Variants in ARHGAP15 observed in about 807,000 individuals in gnomAD.
The protein encoded by ARHGAP15 is Rho GTPase activating protein 15.
ARHGAP15 carries 51 observed loss-of-function variants against 63.7 expected under a neutral mutation model. The ratio of observed to expected loss-of-function variants is 0.80; its 90% CI spans 0.64 to 1.01. ARHGAP15 has a LOEUF of 1.01. Ranked by LOEUF, ARHGAP15 falls within the 50% of genes least tolerant of loss-of-function variation. ARHGAP15 has a pLI of 0.00. For missense variants in ARHGAP15, 560 were observed against 564.6 expected (o/e 0.99, Z 0.08); for synonymous variants, 191 against 193.8 (o/e 0.99, Z 0.12).
At chr2:143,727,901 CGTTT>C (rs879697751) in intron 13 of ARHGAP15, among the ~76,000 whole-genome samples, 4 of 152,122 alleles carry the variant, frequency 2.6e-5, no homozygotes, top group African/African-American at 9.7e-5. Context: ...ACACAGGTTA[CGTTT>C]GTTTTATAAT....
At chr2:143,393,907 CA>C (rs1439209000) in intron 6 of ARHGAP15, among the ~76,000 whole-genome samples, 1 of 152,072 alleles carries the variant, frequency 6.6e-6, no homozygotes, top group East Asian at 1.9e-4. Context: ...ACTCGGCAAG[CA>C]ATACTTCTCA....
intron 8 of ARHGAP15, among the ~76,000 whole-genome samples, chr2:143,443,645 G>T (rs764932606): frequency 1.3e-5 from 2 of 151,730 alleles, no homozygotes; most frequent in Non-Finnish European, 2.9e-5. Flanking sequence ...CAAAATAGTT[G>T]GTAAAGAAAA....
chr2:143,396,621 T>C (rs917262615), intron 6 of ARHGAP15, among the ~76,000 whole-genome samples: 1 of 152,000 alleles, frequency 6.6e-6, no homozygotes, highest in African/African-American at 2.4e-5. Context: ...TTAAGTTTTT[T>C]TTTTTTTTTA....
intron 13 of ARHGAP15, among the ~76,000 whole-genome samples, chr2:143,733,019 T>C (rs1275959828): frequency 6.6e-6 from 1 of 150,418 alleles, no homozygotes; most frequent in East Asian, 2.0e-4. Flanking sequence ...GCCACTGATC[T>C]ACCCCAGTCA....
At chr2:143,144,825 T>C (rs925727314) in intron 1 of ARHGAP15, among the ~76,000 whole-genome samples, 1 of 152,036 alleles carries the variant, frequency 6.6e-6, no homozygotes, top group Non-Finnish European at 1.5e-5. Flanking sequence ...AAAATGAAGA[T>C]AGCAGCAATG....
At chr2:143,288,760 G>A (rs983064423) in intron 6 of ARHGAP15, among the ~76,000 whole-genome samples, 1 of 150,996 alleles carries the variant, frequency 6.6e-6, no homozygotes, top group South Asian at 2.1e-4. Context: ...ATTATTAAAG[G>A]TGCCATCTCA....
intron 13 of ARHGAP15, among the ~76,000 whole-genome samples, chr2:143,726,299 T>G (rs979757163): frequency 2.6e-5 from 4 of 152,232 alleles, no homozygotes; most frequent in Middle Eastern, 3.4e-3. Flanking sequence ...AAAAGCTAAA[T>G]CACAGCAGAA....
At chr2:143,666,198 A>C (rs1490540514) in intron 12 of ARHGAP15, among the ~76,000 whole-genome samples, 1 of 150,524 alleles carries the variant, frequency 6.6e-6, no homozygotes, top group Non-Finnish European at 1.5e-5. Flanking sequence ...CCAAAACAGC[A>C]TGGTACTGGT....
At chr2:143,304,449 T>TG (rs1233028104) in intron 6 of ARHGAP15, among the ~76,000 whole-genome samples, 1 of 151,838 alleles carries the variant, frequency 6.6e-6, no homozygotes, top group East Asian at 1.9e-4. Context: ...CACCAGGGCC[T>TG]GTTGTGGGGT....
rs541043439 is a variant in ARHGAP15, at chr2:143,404,311, A to G, written c.475-31290A>G. On this transcript the variant is annotated intron_variant, in intron 6 of 13. Transcript: ENST00000295095. ...TGATAGTGGCAATGATAGAATTATG[A>G]AAGTCCGGAAGGCAAAACATTCTAT... is the stretch of plus-strand genomic sequence containing the variant. Among the ~76,000 whole-genome samples the G allele has an allele frequency of 4.6e-5, 7 of 152,054 alleles. No individual in the cohort carries two copies. The South Asian group carries it at 1.5e-3, about 32-fold the overall frequency.
intron 6 of ARHGAP15, among the ~76,000 whole-genome samples, chr2:143,332,486 G>A (rs529390740): frequency 2.0e-4 from 31 of 151,606 alleles, no homozygotes; most frequent in South Asian, 1.9e-3. Flanking sequence ...AGTATATGAG[G>A]GAAAAGATGA....
At chr2:143,395,401 A>G (rs1250446293) in intron 6 of ARHGAP15, among the ~76,000 whole-genome samples, 1 of 152,178 alleles carries the variant, frequency 6.6e-6, no homozygotes, top group East Asian at 1.9e-4. Flanking sequence ...CGATGACTTC[A>G]TGGTGTTTGT....
chr2:143,153,838 T>TC (rs1393475257), intron 1 of ARHGAP15, among the ~76,000 whole-genome samples: 6,543 of 76,510 alleles, frequency 0.086, 596 homozygotes, highest in Non-Finnish European at 0.11. Flanking sequence ...TTCTTCTTCT[T>TC]CTTCTTCCTC....
At chr2:143,294,523 G>A (rs951485710) in intron 6 of ARHGAP15, among the ~76,000 whole-genome samples, 1 of 152,060 alleles carries the variant, frequency 6.6e-6, no homozygotes. Context: ...CTCTTCCCAT[G>A]TGATGGACCC....
chr2:143,415,910 T>G (rs1241432439), intron 6 of ARHGAP15, among the ~76,000 whole-genome samples: 1 of 151,798 alleles, frequency 6.6e-6, no homozygotes, highest in African/African-American at 2.4e-5. Flanking sequence ...CACTCATAAG[T>G]GGGAGCTAAG....
At chr2:143,460,926 C>T (rs1399207947) in intron 8 of ARHGAP15, among the ~76,000 whole-genome samples, 2 of 152,064 alleles carry the variant, frequency 1.3e-5, no homozygotes, top group African/African-American at 4.8e-5. Context: ...GGAATAGAGG[C>T]CCCTTCTGCC....
chr2:143,732,797 A>G (rs577577169), intron 13 of ARHGAP15, among the ~76,000 whole-genome samples: 2 of 152,160 alleles, frequency 1.3e-5, no homozygotes, highest in African/African-American at 4.8e-5. Context: ...AAGGTTTGCA[A>G]ACTTTAAAAA....
In ARHGAP15 at chr2:143,679,657, GTGTGTGTGTGTGTGTGTGTGTGTGTGTA is replaced by G. The variant is rs1427366513; in HGVS notation, c.1139-23749_1139-23722del. 0.013 allele frequency among the ~76,000 whole-genome samples: 157 copies of G among 12,414 alleles called. 3 individuals are homozygous for G. The East Asian group carries it at 0.49, about 39-fold the overall frequency. The allele number at this position is 12,414 out of a possible 152,430, so 8.1% of individuals were successfully genotyped here. On this transcript the variant is annotated intron_variant, in intron 12 of 13. Transcript: ENST00000295095. ...TGAATGAGGGGGTGCGTGTGTGCGT[GTGTGTGTGTGTGTGTGTGTGTGTGTGTA>G]TGTGTGTGTGTGCAAGCTTAGGTCC...
chr2:143,568,599 G>A (rs1696329553), intron 11 of ARHGAP15, among the ~76,000 whole-genome samples: 1 of 152,222 alleles, frequency 6.6e-6, no homozygotes, highest in East Asian at 1.9e-4. Flanking sequence ...GTGGAAGACA[G>A]TGTGGCGATT....
Sources: gnomAD v4.1 joint callset for allele counts (sites outside exome capture counted in the v4.1 genomes callset) on GRCh38, gnomAD v4.1.1 for gene constraint, MANE v1.5 for transcripts, NCBI Gene and HGNC (gene_info 2026-07-23, HGNC 2026-07-21) for gene names.